The following ZNF385B variants were observed in gnomAD, a reference collection of about 807,000 sequenced individuals.
ZNF385B encodes the protein zinc finger protein 385B, also known as zinc finger protein 533.
A neutral mutation model predicts 39.2 loss-of-function variants in ZNF385B; 23 were observed. The observed-to-expected ratio is 0.59, with a 90% CI of 0.42 to 0.83. ZNF385B has a LOEUF of 0.83. Ranked by LOEUF, ZNF385B falls within the 40% of genes least tolerant of loss-of-function variation. The pLI is 0.00. For synonymous variants in ZNF385B, 205 were observed against 222.6 expected (o/e 0.92, Z 0.70); for missense variants, 552 against 598.9 (o/e 0.92, Z 0.82).
chr2:179,764,668 C>A (rs1703588454), intron 3 of ZNF385B, among the ~76,000 whole-genome samples: 1 of 152,220 alleles, frequency 6.6e-6, no homozygotes, highest in African/African-American at 2.4e-5. Context: ...TTATGGCAGA[C>A]AATTTATTGG....
intron 3 of ZNF385B, among the ~76,000 whole-genome samples, chr2:179,761,794 C>T (rs1016297906): frequency 3.9e-5 from 5 of 127,328 alleles, no homozygotes; most frequent in Non-Finnish European, 8.0e-5. Flanking sequence ...TTTTTAGAGA[C>T]AGGTTGTGTT....
intron 5 of ZNF385B, among the ~76,000 whole-genome samples, chr2:179,499,902 A>G (rs757668725): frequency 5.3e-5 from 8 of 152,042 alleles, no homozygotes; most frequent in Non-Finnish European, 1.2e-4. Flanking sequence ...GACTCTCCAC[A>G]TAAAAACCTA....
chr2:179,575,373 A>T (rs948947628), intron 3 of ZNF385B, among the ~76,000 whole-genome samples: 4 of 152,226 alleles, frequency 2.6e-5, no homozygotes, highest in Admixed American at 2.6e-4. Flanking sequence ...CTATAGTTAT[A>T]ATGATCTGAT....
intron 3 of ZNF385B, among the ~76,000 whole-genome samples, chr2:179,757,478 C>T (rs1335066064): frequency 6.6e-6 from 1 of 152,196 alleles, no homozygotes; most frequent in Non-Finnish European, 1.5e-5. Context: ...AACCACTAGT[C>T]TCTTCAAAGC....
At chr2:179,591,277 A>T (rs1169530669) in intron 3 of ZNF385B, among the ~76,000 whole-genome samples, 1 of 152,080 alleles carries the variant, frequency 6.6e-6, no homozygotes, top group African/African-American at 2.4e-5. Flanking sequence ...TGTGGTTTCA[A>T]AACTTTTTTT....
intron 3 of ZNF385B, among the ~76,000 whole-genome samples, chr2:179,559,142 C>T (rs1355770353): frequency 2.0e-5 from 3 of 152,156 alleles, no homozygotes; most frequent in Admixed American, 2.0e-4. Context: ...CACTGTATGA[C>T]AGAAATCTGT....
chr2:179,473,102 T>C (rs1373492897), intron 6 of ZNF385B, among the ~76,000 whole-genome samples: 8 of 152,122 alleles, frequency 5.3e-5, no homozygotes, highest in Admixed American at 5.2e-4. Context: ...GCAGGGGACA[T>C]AACAGACGAG....
intron 1 of ZNF385B, among the ~76,000 whole-genome samples, chr2:179,816,972 T>C (rs557438664): frequency 6.6e-6 from 1 of 152,268 alleles, no homozygotes; most frequent in South Asian, 2.1e-4. Flanking sequence ...ACATCTGATG[T>C]GTCCCAAATG....
intron 1 of ZNF385B, among the ~76,000 whole-genome samples, chr2:179,794,338 TAG>T (rs1277760082): frequency 6.6e-6 from 1 of 152,202 alleles, no homozygotes; most frequent in African/African-American, 2.4e-5. Flanking sequence ...TTTAGTCTAG[TAG>T]AGTGTATATA....
intron 3 of ZNF385B, among the ~76,000 whole-genome samples, chr2:179,654,225 G>A (rs930768434): frequency 3.3e-5 from 5 of 152,126 alleles, no homozygotes; most frequent in Non-Finnish European, 5.9e-5. Context: ...CAGGTATACC[G>A]TGTCTCCAAC....
At chr2:179,816,557 G>C (rs980738648) in intron 1 of ZNF385B, among the ~76,000 whole-genome samples, 1 of 152,142 alleles carries the variant, frequency 6.6e-6, no homozygotes, top group Admixed American at 6.5e-5. Flanking sequence ...GGCTTCCTGG[G>C]AAGAGGGCAG....
chr2:179,842,456 G>C (rs145442483), intron 1 of ZNF385B, among the ~76,000 whole-genome samples: 12 of 152,148 alleles, frequency 7.9e-5, no homozygotes, highest in South Asian at 2.1e-4. Context: ...TCTTAAATCT[G>C]ATCACATATG....
chr2:179,482,084 A>T (rs963455768), intron 6 of ZNF385B, among the ~76,000 whole-genome samples: 2 of 152,242 alleles, frequency 1.3e-5, no homozygotes, highest in African/African-American at 2.4e-5. Flanking sequence ...TACCAAATTT[A>T]GCTTAGCTCA....
At chr2:179,459,054 G>A (rs931292520) in intron 6 of ZNF385B, among the ~76,000 whole-genome samples, 3 of 152,174 alleles carry the variant, frequency 2.0e-5, no homozygotes, top group Non-Finnish European at 2.9e-5. Context: ...ACCTAAGAAA[G>A]TAAATGACAA....
chr2:179,694,433 A>T (rs558687391), intron 3 of ZNF385B, among the ~76,000 whole-genome samples: 1 of 152,118 alleles, frequency 6.6e-6, no homozygotes, highest in Admixed American at 6.5e-5. Context: ...CAAATTATGA[A>T]ATTCACTTGT....
intron 1 of ZNF385B, among the ~76,000 whole-genome samples, chr2:179,812,565 C>T (rs1330854069): frequency 6.6e-6 from 1 of 152,174 alleles, no homozygotes; most frequent in African/African-American, 2.4e-5. Flanking sequence ...ATTGCATGTT[C>T]TCACTTATAA....
chr2:179,572,396 G>C (rs1432769034), intron 3 of ZNF385B, among the ~76,000 whole-genome samples: 1 of 152,082 alleles, frequency 6.6e-6, no homozygotes, highest in East Asian at 1.9e-4. Flanking sequence ...CAGAGTGCTA[G>C]TGTGGCAATA....
intron 3 of ZNF385B, among the ~76,000 whole-genome samples, chr2:179,551,059 T>G (rs929126164): frequency 6.6e-6 from 1 of 152,122 alleles, no homozygotes; most frequent in East Asian, 1.9e-4. Flanking sequence ...ATAAACTATC[T>G]GGCAATATTA....
intron 3 of ZNF385B, chr2:179,562,380 G>C: frequency 1.0e-6 from 1 of 984,962 alleles, no homozygotes; most frequent in Non-Finnish European, 1.2e-6. Context: ...GTAAATGTGG[G>C]TCAGTTAGCA....
Sources: gnomAD v4.1 joint callset for allele counts (sites outside exome capture counted in the v4.1 genomes callset) on GRCh38, gnomAD v4.1.1 for gene constraint, MANE v1.5 for transcripts, NCBI Gene and HGNC (gene_info 2026-07-23, HGNC 2026-07-21) for gene names.